Variants in ANO1 observed in about 807,000 individuals in gnomAD.
ANO1 encodes the protein anoctamin-1.
Under a neutral mutation model 124.0 loss-of-function variants are expected in ANO1, and 59 were observed. That is an observed-to-expected ratio of 0.48 (90% CI 0.39 to 0.59). ANO1 has a LOEUF of 0.59. Among genes scored for constraint, ANO1 ranks in the 20% least tolerant of loss-of-function variants. The pLI, the probability that ANO1 is intolerant of heterozygous loss-of-function variation, is 0.00. For missense variants in ANO1, 1,059 were observed against 1,328.0 expected (o/e 0.80, Z 3.15); for synonymous variants, 529 against 532.0 (o/e 0.99, Z 0.08).
chr11:70,055,812 C>T (rs4980758), intron 1 of ANO1, among the ~76,000 whole-genome samples: 2 of 151,770 alleles, frequency 1.3e-5, no homozygotes, highest in Non-Finnish European at 1.5e-5. Context: ...TCTATTATTT[C>T]GTTAGTTATA....
At chr11:70,187,648 C>T (rs1427651743) in intron 25 of ANO1, 90 bp from the exon 26 acceptor site, 1 of 1,467,190 alleles carries the variant, frequency 6.8e-7, no homozygotes, top group South Asian at 1.4e-5. Context: ...GGTGGGGTGG[C>T]ACTCCACCAG....
intron 1 of ANO1, among the ~76,000 whole-genome samples, chr11:70,002,451 G>T (rs556982051): frequency 2.7e-3 from 123 of 46,260 alleles, no homozygotes; most frequent in Middle Eastern, 0.01. Flanking sequence ...GCAACAAAGC[G>T]AGACTCCACC....
At chr11:70,066,702 G>T (rs117897763) in intron 1 of ANO1, among the ~76,000 whole-genome samples, 3 of 152,298 alleles carry the variant, frequency 2.0e-5, no homozygotes, top group African/African-American at 7.2e-5. Context: ...CTGGTCTCCC[G>T]TGGAGATTAG....
chr11:70,107,549 C>G (rs1389682099), intron 5 of ANO1, among the ~76,000 whole-genome samples: 2 of 141,268 alleles, frequency 1.4e-5, no homozygotes, highest in Non-Finnish European at 3.0e-5. Flanking sequence ...GGACGCTGGC[C>G]TTGCCTGAGA....
At chr11:69,980,220 C>T in the ANO1 span, among the ~76,000 whole-genome samples, 1 of 152,170 alleles carries the variant, frequency 6.6e-6, no homozygotes, top group Non-Finnish European at 1.5e-5. Flanking sequence ...CCTAGAGCAG[C>T]CACATTCACA....
chr11:70,127,237 G>A (rs115173189), intron 10 of ANO1, among the ~76,000 whole-genome samples: 59 of 152,222 alleles, frequency 3.9e-4, no homozygotes, highest in African/African-American at 1.3e-3. Flanking sequence ...GGTGAGATGC[G>A]AATGCTAGTG....
chr11:70,144,386 C>T (rs554489278), intron 11 of ANO1, among the ~76,000 whole-genome samples: 1 of 152,280 alleles, frequency 6.6e-6, no homozygotes, highest in South Asian at 2.1e-4. Context: ...TGGATGAAGT[C>T]AGGGACACCC....
At chr11:69,967,188 C>T in the ANO1 span, among the ~76,000 whole-genome samples, 1 of 18,234 alleles carries the variant, frequency 5.5e-5, no homozygotes, top group South Asian at 3.8e-3. Context: ...TCTGAGCGCC[C>T]GTATCGCACG....
intron 1 of ANO1, among the ~76,000 whole-genome samples, chr11:70,050,057 C>A (rs1445327817): frequency 2.0e-5 from 3 of 152,152 alleles, no homozygotes; most frequent in Non-Finnish European, 2.9e-5. Context: ...GCACCCTGGG[C>A]TGTTTTAGGA....
chr11:70,134,885 G>A (rs1478266265), intron 11 of ANO1, among the ~76,000 whole-genome samples: 1 of 152,202 alleles, frequency 6.6e-6, no homozygotes, highest in Non-Finnish European at 1.5e-5. Context: ...CCAGGTGCAG[G>A]GACCAGGTGA....
chr11:70,153,763 A>C (rs955653544), intron 14 of ANO1, among the ~76,000 whole-genome samples: 5 of 151,552 alleles, frequency 3.3e-5, no homozygotes, highest in Admixed American at 3.3e-4. Context: ...GTTTGTTTGT[A>C]TGTTTGTTTG....
intron 1 of ANO1, among the ~76,000 whole-genome samples, chr11:70,071,778 C>T (rs1857879578): frequency 6.6e-6 from 1 of 152,076 alleles, no homozygotes; most frequent in Admixed American, 6.5e-5. Context: ...CACGCACCAC[C>T]ATGCCTGGCT....
At position 70,186,145 on chromosome 11, in the gene ANO1, G is replaced by A. The variant is rs866884997; in HGVS notation, c.2694+450G>A. On this transcript the variant is annotated intron_variant, in intron 25 of 25. Coordinates refer to ENST00000355303, the MANE Select transcript of ANO1 (RefSeq NM_018043.7). ...TACTAAAAATATCAAAAATTAGCCG[G>A]GTGTGGTGGTGCACACCTGTAATCC... 2.0e-4 allele frequency among the ~76,000 whole-genome samples: 30 copies of A among 152,000 alleles called. No homozygotes were observed. The Middle Eastern group carries it at 0.01, about 52-fold the overall frequency.
chr11:70,087,998 T>TACC lies in ANO1; in HGVS notation c.358_360dup (p.His120dup). On this transcript the variant is annotated inframe_insertion, in exon 2 of 26. Transcript: ENST00000355303. ...AGGCTCGGGGGAGCCCCCGATGGAC[T>TACC]ACCACGAGGATGACAAGCGCTTCCG... 6.4e-7 allele frequency: 1 copy of TACC among 1,556,544 alleles called. No homozygotes were observed. The highest frequency in any genetic ancestry group is 1.7e-4 in the Middle Eastern group (1 of 5,860).
Position 70,026,236 on chromosome 11 carries a change from G to A in ANO1, c.58+40070G>A, listed in dbSNP as rs529706561. Among the ~76,000 whole-genome samples, 25 of 145,342 alleles carry A rather than the reference G, an allele frequency of 1.7e-4. No homozygotes were observed. In the South Asian group the frequency reaches 5.5e-3, roughly 32 times the overall value. On this transcript the variant is annotated intron_variant, in intron 1 of 27. Transcript: ENST00000531349. ...TGATGGTGATGATGACAGTAATGATGGTGGTGGTGATGACAATGATGATGA... is the reference window on the plus strand; with the variant it reads ...TGATGGTGATGATGACAGTAATGATAGTGGTGGTGATGACAATGATGATGA...
At chr11:70,062,067 CTTTTTTTTTTT>C (rs1175846749) in intron 1 of ANO1, among the ~76,000 whole-genome samples, 56 of 62,270 alleles carry the variant, frequency 9.0e-4, no homozygotes, top group Non-Finnish European at 1.3e-3. Flanking sequence ...TTCCTTCTTT[CTTTTTTTTTTT>C]TTTTTTTTTT....
At chr11:69,981,356 C>A (rs1339835031), upstream of ANO1, among the ~76,000 whole-genome samples, 1 of 152,212 alleles carries the variant, frequency 6.6e-6, no homozygotes, top group South Asian at 2.1e-4. Context: ...GATAGGAGCA[C>A]GTACTACGTA....
intron 1 of ANO1, among the ~76,000 whole-genome samples, chr11:69,992,431 A>C (rs1288806987): frequency 6.6e-6 from 1 of 152,198 alleles, no homozygotes; most frequent in East Asian, 1.9e-4. Flanking sequence ...ACTCCAGACA[A>C]GGAAACTGAG....
intron 1 of ANO1, among the ~76,000 whole-genome samples, chr11:70,026,147 GTGATGATGA>G (rs1379620199): frequency 1.4e-5 from 2 of 144,972 alleles, no homozygotes; most frequent in African/African-American, 5.1e-5. Flanking sequence ...GGTGATGACA[GTGATGATGA>G]TGATGGTGAT....
Sources: gnomAD v4.1 joint callset for allele counts (sites outside exome capture counted in the v4.1 genomes callset) on GRCh38, gnomAD v4.1.1 for gene constraint, MANE v1.5 for transcripts, NCBI Gene and HGNC (gene_info 2026-07-23, HGNC 2026-07-21) for gene names.